The following TRAPPC12 variants were observed in gnomAD, a reference collection of about 807,000 sequenced individuals.
The protein encoded by TRAPPC12 is TPR repeat protein 15.
TRAPPC12 carries 61 observed loss-of-function variants against 69.2 expected under a neutral mutation model. The ratio of observed to expected loss-of-function variants is 0.88; its 90% CI spans 0.72 to 1.09. The LOEUF is 1.09. Ranked by LOEUF, TRAPPC12 falls within the 50% of genes least tolerant of loss-of-function variation. TRAPPC12 has a pLI of 0.00. For missense variants in TRAPPC12, 1,101 were observed against 1,016.4 expected, an observed-to-expected ratio of 1.08 and a Z score of -1.13; for synonymous variants, 469 against 438.9, an observed-to-expected ratio of 1.07 and a Z score of -0.86.
chr2:3,451,409 C>T (rs568558507), intron 6 of TRAPPC12, among the ~76,000 whole-genome samples: 1 of 152,344 alleles, frequency 6.6e-6, no homozygotes, highest in African/African-American at 2.4e-5. Context: ...TTATTTTCTC[C>T]AAACTCCTCT....
chr2:3,399,876 C>T (rs1661339282), intron 2 of TRAPPC12, among the ~76,000 whole-genome samples: 1 of 150,850 alleles, frequency 6.6e-6, no homozygotes. Flanking sequence ...TCTGAGCCAG[C>T]GGTGAAGTCC....
intron 3 of TRAPPC12, among the ~76,000 whole-genome samples, chr2:3,417,400 CT>C (rs1229701181): frequency 1.3e-5 from 2 of 152,142 alleles, no homozygotes; most frequent in African/African-American, 4.8e-5. Flanking sequence ...CACGTGCAGT[CT>C]TTAGACTGCC....
In TRAPPC12 at chr2:3,454,234, C is replaced by T. The variant is rs981264870; in HGVS notation, c.1531-3387C>T. On this transcript the variant is annotated intron_variant, in intron 6 of 11. Coordinates refer to ENST00000324266, the MANE Select transcript of TRAPPC12 (RefSeq NM_016030.6). ...AGGGGTGTAGCCTGCCTGGTGTCTC[C>T]GTGTCCTACCTGTGTGCCCTCCCAG... Among the ~76,000 whole-genome samples the T allele has an allele frequency of 3.9e-5, 6 of 152,244 alleles. No homozygotes were observed. In the South Asian group the frequency reaches 8.3e-4, roughly 21 times the overall value.
intron 5 of TRAPPC12, among the ~76,000 whole-genome samples, chr2:3,436,320 CATGTGGCA>C (rs1663774257): frequency 6.6e-6 from 1 of 152,114 alleles, no homozygotes; most frequent in Admixed American, 6.5e-5. Flanking sequence ...TATCTTTTTT[CATGTGGCA>C]ATCCCCATAT....
At chr2:3,459,103 T>G (rs1665341566) in intron 7 of TRAPPC12, among the ~76,000 whole-genome samples, 2 of 152,242 alleles carry the variant, frequency 1.3e-5, no homozygotes, top group African/African-American at 4.8e-5. Context: ...TATCTCACAG[T>G]GGACGCTTGG....
chr2:3,425,476 C>T (rs754239957), intron 5 of TRAPPC12, among the ~76,000 whole-genome samples: 1 of 152,142 alleles, frequency 6.6e-6, no homozygotes, highest in Non-Finnish European at 1.5e-5. Flanking sequence ...GCCCCAGTGT[C>T]CTTATTGGTA....
At position 3,388,472 on chromosome 2, in the gene TRAPPC12, C is replaced by G; in HGVS notation, c.849C>G (p.Ile283Met). Reference sequence around the variant, plus strand: ...CGTCGCCAGAGCCTTTCGCGCACATCCAGGCAGTGTTTGCAGGGAGTGACG... The same window carrying G: ...CGTCGCCAGAGCCTTTCGCGCACATGCAGGCAGTGTTTGCAGGGAGTGACG... Reference protein sequence around the residue: ...PPASPEPFAHIQAVFAGSDDP... With the variant: ...PPASPEPFAHMQAVFAGSDDP... The change falls in exon 2 of 12, where the codon ATC becomes ATG. Residue 283 changes from isoleucine (I) to methionine (M), a missense_variant. By Grantham distance (10) the Ile-to-Met change is conservative. Transcript: ENST00000324266. 1 of 1,612,436 alleles carries G rather than the reference C, an allele frequency of 6.2e-7. No homozygotes were observed. Among genetic ancestry groups the G allele is most frequent in the Non-Finnish European group, 8.5e-7 (1 of 1,179,556 alleles).
intron 5 of TRAPPC12, among the ~76,000 whole-genome samples, chr2:3,442,295 C>G (rs1197996321): frequency 2.0e-5 from 3 of 152,198 alleles, no homozygotes; most frequent in African/African-American, 7.2e-5. Flanking sequence ...GAGATATTCT[C>G]TCCCTTGTGG....
chr2:3,393,589 T>G (rs1660951303), intron 2 of TRAPPC12, among the ~76,000 whole-genome samples: 2 of 152,138 alleles, frequency 1.3e-5, no homozygotes, highest in African/African-American at 4.8e-5. Flanking sequence ...CAATGTCTAT[T>G]TATAACAAAT....
At chr2:3,465,415 C>T (rs528347415) in intron 8 of TRAPPC12, among the ~76,000 whole-genome samples, 182 bp from the exon 9 acceptor site, 37 of 152,294 alleles carry the variant, frequency 2.4e-4, no homozygotes, top group Middle Eastern at 3.4e-3. Flanking sequence ...CGACTGCAGT[C>T]GGGAGAGCAG....
rs559572590 is a variant in TRAPPC12 at position 3,382,767 on chromosome 2, A to G, written c.-5+2891A>G. On this transcript the variant is annotated intron_variant, in intron 1 of 11. Coordinates refer to ENST00000324266, the MANE Select transcript of TRAPPC12 (RefSeq NM_016030.6). Reference sequence around the variant, plus strand: ...TATTGAGTCCCCATCTCTACAAAAAATACAAAAATAGCTGAGTGTGGTGGT... The same window carrying G: ...TATTGAGTCCCCATCTCTACAAAAAGTACAAAAATAGCTGAGTGTGGTGGT... 6.4e-4 allele frequency among the ~76,000 whole-genome samples: 98 copies of G among 152,294 alleles called. 1 individual carries two copies. Among genetic ancestry groups the G allele is most frequent in the Middle Eastern group, 3.4e-3 (1 of 294 alleles).
chr2:3,395,602 G>A (rs1293049584), intron 2 of TRAPPC12, among the ~76,000 whole-genome samples: 19 of 130,430 alleles, frequency 1.5e-4, no homozygotes, highest in African/African-American at 3.5e-4. Flanking sequence ...TTGCTCTGTC[G>A]CCCAGGCTGG....
chr2:3,478,817 G>A (rs759467182), intron 10 of TRAPPC12, 29 bp from the exon 11 acceptor site: 50 of 1,607,816 alleles, frequency 3.1e-5, no homozygotes, highest in Admixed American at 2.8e-4. Flanking sequence ...GGCTTTCCCC[G>A]CTAACTGCCA....
At chr2:3,423,351 T>TGTGC (rs778813735) in intron 4 of TRAPPC12, among the ~76,000 whole-genome samples, 13 of 150,312 alleles carry the variant, frequency 8.6e-5, no homozygotes, top group Non-Finnish European at 1.9e-4. Flanking sequence ...TGTGTGTGTG[T>TGTGC]GTAATGAGAA....
rs574685670 is a variant in TRAPPC12, at chr2:3,460,399, G to A, written c.1677+63G>A. On this transcript the variant is annotated intron_variant, in intron 8 of 11. Coordinates refer to ENST00000324266, the MANE Select transcript of TRAPPC12 (RefSeq NM_016030.6). ...GAAGAGCGGGGTCAGTGGGAGCCGC[G>A]AGGGAGCCGCTGGTATAATAGATGC... is the stretch of plus-strand genomic sequence containing the variant. The A allele has an allele frequency of 2.8e-5, 23 of 822,726 alleles. No homozygotes were observed. In the East Asian group the frequency reaches 5.1e-4, roughly 18 times the overall value. 51.0% of individuals were successfully genotyped at this position (822,726 alleles called of 1,614,324 possible). A position where few individuals can be genotyped will look rare whatever the true frequency, so the allele number is the denominator to read the frequency against.
intron 6 of TRAPPC12, 130 bp from the exon 7 acceptor site, chr2:3,457,491 T>C: frequency 1.5e-6 from 1 of 676,500 alleles, no homozygotes; most frequent in Non-Finnish European, 2.6e-6. Flanking sequence ...TTTTTAAAAG[T>C]ATGTGTGAAC....
intron 2 of TRAPPC12, among the ~76,000 whole-genome samples, chr2:3,389,339 C>A (rs557539933): frequency 8.3e-4 from 126 of 152,360 alleles, no homozygotes; most frequent in Middle Eastern, 3.4e-3. Context: ...GTGCTCTCAG[C>A]CCCCAGCAGG....
chr2:3,458,260 G>C (rs1163277162), intron 7 of TRAPPC12: 1 of 987,018 alleles, frequency 1.0e-6, no homozygotes, highest in Non-Finnish European at 1.2e-6. Flanking sequence ...GAGTGCGTTA[G>C]CCAGGAGCAA....
intron 3 of TRAPPC12, among the ~76,000 whole-genome samples, chr2:3,419,953 C>G (rs532835936): frequency 6.6e-6 from 1 of 152,240 alleles, no homozygotes; most frequent in Admixed American, 6.5e-5. Flanking sequence ...GCTTGGCGGC[C>G]TCCTACAACA....
Sources: allele counts gnomAD v4.1 joint callset (sites outside exome capture counted in the v4.1 genomes callset), GRCh38; gene constraint gnomAD v4.1.1; transcripts MANE v1.5; gene names NCBI Gene and HGNC (gene_info 2026-07-23, HGNC 2026-07-21).